OPCML: variants seen among roughly 807,000 people sequenced by gnomAD.
OPCML encodes opioid binding protein/cell adhesion molecule like.
OPCML carries 13 observed loss-of-function variants against 37.8 expected under a neutral mutation model. The observed-to-expected ratio is 0.34, with a 90% CI of 0.22 to 0.55. The LOEUF (loss-of-function observed/expected upper bound fraction) is 0.55, where lower values mean the gene tolerates loss of function less well. Ranked by LOEUF, OPCML falls within the 20% of genes least tolerant of loss-of-function variation. The pLI is 0.91. For synonymous variants in OPCML, 176 were observed against 168.8 expected (o/e 1.04, Z -0.33); for missense variants, 341 against 435.6 (o/e 0.78, Z 1.93).
chr11:132,516,191 T>C (rs2096279272), intron 4 of OPCML, among the ~76,000 whole-genome samples: 1 of 152,182 alleles, frequency 6.6e-6, no homozygotes, highest in African/African-American at 2.4e-5. Context: ...ACGTCAGCAG[T>C]AAGCTCACTC....
At chr11:133,424,381 T>A (rs1044113624) in intron 1 of OPCML, among the ~76,000 whole-genome samples, 2 of 152,222 alleles carry the variant, frequency 1.3e-5, no homozygotes, top group Non-Finnish European at 2.9e-5. Context: ...ATTTTAAATG[T>A]TTGTAGAAAA....
intron 1 of OPCML, chr11:133,007,331 G>A: frequency 2.0e-6 from 2 of 985,454 alleles, no homozygotes; most frequent in Non-Finnish European, 2.4e-6. Context: ...GCAGAACTCT[G>A]GATTGATTTA....
chr11:133,407,787 G>A (rs1250266970), intron 1 of OPCML, among the ~76,000 whole-genome samples: 1 of 152,210 alleles, frequency 6.6e-6, no homozygotes, highest in East Asian at 1.9e-4. Context: ...AGAATTGCCT[G>A]ATGCATTTTT....
chr11:133,220,822 C>T (rs987595361), intron 1 of OPCML, among the ~76,000 whole-genome samples: 15 of 152,108 alleles, frequency 9.9e-5, no homozygotes, highest in Admixed American at 7.2e-4. Context: ...TTAACAGCCC[C>T]CCGATCTATA....
intron 1 of OPCML, among the ~76,000 whole-genome samples, chr11:133,401,427 A>T (rs916364435): frequency 6.6e-5 from 10 of 152,140 alleles, no homozygotes; most frequent in Admixed American, 5.2e-4. Context: ...AGGCCTGTGA[A>T]ATGAACTAAT....
At chr11:132,559,350 G>A (rs2096405349) in intron 3 of OPCML, among the ~76,000 whole-genome samples, 1 of 152,062 alleles carries the variant, frequency 6.6e-6, no homozygotes, top group Non-Finnish European at 1.5e-5. Flanking sequence ...AAGGAGGGGT[G>A]GAAGATGAAA....
chr11:132,932,691 T>TTA (rs3077742), intron 2 of OPCML, among the ~76,000 whole-genome samples: 7,466 of 143,532 alleles, frequency 0.052, 216 homozygotes, highest in Middle Eastern at 0.11. Context: ...TATATATATA[T>TTA]TATATATATA....
chr11:133,351,630 G>T (rs1401468704), intron 1 of OPCML, among the ~76,000 whole-genome samples: 1 of 152,106 alleles, frequency 6.6e-6, no homozygotes, highest in Non-Finnish European at 1.5e-5. Context: ...TCCTAGGAGG[G>T]TCTCAAGAAA....
intron 2 of OPCML, among the ~76,000 whole-genome samples, chr11:132,751,326 T>G (rs973841051): frequency 7.9e-5 from 12 of 152,160 alleles, no homozygotes; most frequent in Non-Finnish European, 2.9e-5. Flanking sequence ...TGCTTCTAAG[T>G]CTCTCTAAAC....
At chr11:132,983,956 T>C (rs572820259) in intron 1 of OPCML, among the ~76,000 whole-genome samples, 11 of 152,334 alleles carry the variant, frequency 7.2e-5, no homozygotes, top group Middle Eastern at 6.8e-3. Flanking sequence ...TTCTAATCCA[T>C]TGAGTTTACT....
chr11:132,981,877 C>T (rs766934674), intron 1 of OPCML, among the ~76,000 whole-genome samples: 5 of 152,166 alleles, frequency 3.3e-5, no homozygotes, highest in Non-Finnish European at 7.4e-5. Flanking sequence ...TTCACATTTT[C>T]ATCATATTTG....
chr11:133,471,364 G>C (rs969470770), intron 1 of OPCML, among the ~76,000 whole-genome samples: 1 of 152,228 alleles, frequency 6.6e-6, no homozygotes, highest in Non-Finnish European at 1.5e-5. Flanking sequence ...TCCAAGAAAT[G>C]TTGGTAGGTA....
chr11:133,469,147 T>A (rs1947044285), intron 1 of OPCML, among the ~76,000 whole-genome samples: 2 of 152,202 alleles, frequency 1.3e-5, no homozygotes, highest in Non-Finnish European at 2.9e-5. Flanking sequence ...AATACTTGTA[T>A]CTTTATACTC....
At chr11:132,464,599 C>T (rs902210139) in intron 4 of OPCML, among the ~76,000 whole-genome samples, 4 of 152,038 alleles carry the variant, frequency 2.6e-5, no homozygotes, top group Non-Finnish European at 4.4e-5. Flanking sequence ...ATTAGTTATT[C>T]TTGTTTTGAT....
intron 4 of OPCML, among the ~76,000 whole-genome samples, chr11:132,449,265 C>T (rs1024507632): frequency 2.0e-5 from 3 of 152,188 alleles, no homozygotes; most frequent in East Asian, 3.9e-4. Flanking sequence ...AACGTAATGT[C>T]TTGTGTTAAT....
intron 4 of OPCML, among the ~76,000 whole-genome samples, chr11:132,493,216 G>C (rs2096221489): frequency 6.6e-6 from 1 of 152,224 alleles, no homozygotes; most frequent in Non-Finnish European, 1.5e-5. Flanking sequence ...AACTACGGTA[G>C]TGGTGGAAGA....
intron 2 of OPCML, among the ~76,000 whole-genome samples, chr11:132,845,356 T>G (rs1366275082): frequency 6.6e-6 from 1 of 152,184 alleles, no homozygotes; most frequent in East Asian, 1.9e-4. Context: ...GAACAACAGC[T>G]TAAGAAAAGC....
intron 3 of OPCML, among the ~76,000 whole-genome samples, chr11:132,563,004 T>C (rs1315318527): frequency 6.6e-6 from 1 of 152,220 alleles, no homozygotes; most frequent in East Asian, 1.9e-4. Flanking sequence ...TGTTGTGTTC[T>C]GTATTCACTT....
chr11:132,989,963 G>A (rs1946746713), intron 1 of OPCML, among the ~76,000 whole-genome samples: 1 of 152,074 alleles, frequency 6.6e-6, no homozygotes, highest in African/African-American at 2.4e-5. Context: ...ATCAAGAAAA[G>A]AAAGGCAGAA....
Sources: gnomAD v4.1 joint callset for allele counts (sites outside exome capture counted in the v4.1 genomes callset) on GRCh38, gnomAD v4.1.1 for gene constraint, MANE v1.5 for transcripts, NCBI Gene and HGNC (gene_info 2026-07-23, HGNC 2026-07-21) for gene names.